Variants in PRKD1 observed in about 807,000 individuals in gnomAD.
The protein encoded by PRKD1 is serine/threonine-protein kinase D1.
Under a neutral mutation model 95.9 loss-of-function variants are expected in PRKD1, and 63 were observed. The observed-to-expected ratio is 0.66, with a 90% confidence interval of 0.54 to 0.81. The LOEUF (loss-of-function observed/expected upper bound fraction) is 0.81, where lower values mean the gene tolerates loss of function less well. Among genes scored for constraint, PRKD1 ranks in the 30% least tolerant of loss-of-function variants. The probability of loss-of-function intolerance (pLI) is 0.00; values close to 1 mark genes in which losing one functional copy is unlikely to be tolerated. For missense variants in PRKD1, 1,048 were observed against 1,165.3 expected (o/e 0.90, Z 1.47); for synonymous variants, 425 against 423.1 (o/e 1.00, Z -0.05).
chr14:29,697,236 C>T (rs28674046), intron 2 of PRKD1, among the ~76,000 whole-genome samples: 76,793 of 151,430 alleles, frequency 0.51, 21,737 homozygotes, highest in African/African-American at 0.77. Context: ...TCCATTCCTA[C>T]TCTGACAATG....
chr14:29,820,547 A>G (rs2139268366), intron 1 of PRKD1, among the ~76,000 whole-genome samples: 1 of 152,314 alleles, frequency 6.6e-6, no homozygotes, highest in South Asian at 2.1e-4. Flanking sequence ...ATTCCAGGTA[A>G]AATCAACTAA....
At chr14:29,821,311 A>G (rs550669333) in intron 1 of PRKD1, among the ~76,000 whole-genome samples, 1 of 152,308 alleles carries the variant, frequency 6.6e-6, no homozygotes, top group African/African-American at 2.4e-5. Flanking sequence ...AAGGAGAATG[A>G]ACAGCAGCCA....
chr14:29,621,183 G>A, intron 13 of PRKD1, among the ~76,000 whole-genome samples: 1 of 145,112 alleles, frequency 6.9e-6, no homozygotes. Context: ...CACACTCTGG[G>A]GACTGTTGTG....
At chr14:29,655,121 C>T (rs922150070) in intron 4 of PRKD1, among the ~76,000 whole-genome samples, 2 of 152,158 alleles carry the variant, frequency 1.3e-5, no homozygotes, top group African/African-American at 4.8e-5. Flanking sequence ...TGTTTCCTGT[C>T]CTTCTTTGGC....
chr14:29,886,037 G>A (rs1177376025), intron 1 of PRKD1, among the ~76,000 whole-genome samples: 1 of 152,022 alleles, frequency 6.6e-6, no homozygotes, highest in Non-Finnish European at 1.5e-5. Flanking sequence ...TAGAATACCT[G>A]AGCTATAAGA....
At chr14:29,597,386 C>A (rs1442692837) in intron 16 of PRKD1, 105 bp downstream of exon 16, 2 of 1,217,726 alleles carry the variant, frequency 1.6e-6, no homozygotes, top group Non-Finnish European at 2.2e-6. Context: ...GGGCACTTTA[C>A]AATGAGCATG....
intron 1 of PRKD1, among the ~76,000 whole-genome samples, chr14:29,838,828 G>A (rs1286194742): frequency 2.0e-5 from 3 of 152,138 alleles, no homozygotes; most frequent in Admixed American, 2.0e-4. Context: ...GATCTAGTTT[G>A]AGGCACTAAG....
chr14:29,705,534 T>A (rs1885042712), intron 2 of PRKD1, among the ~76,000 whole-genome samples: 1 of 152,022 alleles, frequency 6.6e-6, no homozygotes, highest in Admixed American at 6.6e-5. Flanking sequence ...TCAGTGGTTT[T>A]AAAAATATTC....
chr14:29,914,025 T>C (rs576324801), intron 1 of PRKD1, among the ~76,000 whole-genome samples: 1 of 152,334 alleles, frequency 6.6e-6, no homozygotes, highest in South Asian at 2.1e-4. Context: ...TTCTAGTACA[T>C]TAGGGAAAAC....
intron 13 of PRKD1, 110 bp from the exon 14 acceptor site, chr14:29,599,927 CTT>C (rs763490486): frequency 7.1e-5 from 70 of 984,522 alleles, no homozygotes; most frequent in Non-Finnish European, 9.6e-5. Context: ...GAAACCCACA[CTT>C]AAGATTTTTA....
At chr14:29,794,002 G>A (rs1051548629) in intron 1 of PRKD1, among the ~76,000 whole-genome samples, 3 of 151,916 alleles carry the variant, frequency 2.0e-5, no homozygotes, top group Non-Finnish European at 4.4e-5. Flanking sequence ...TAAATCAAGC[G>A]TATTAGCCGT....
At chr14:29,787,101 G>A (rs2139183759) in intron 1 of PRKD1, among the ~76,000 whole-genome samples, 1 of 151,938 alleles carries the variant, frequency 6.6e-6, no homozygotes, top group Non-Finnish European at 1.5e-5. Context: ...GGTCATATAG[G>A]AGAGTGCTAT....
chr14:29,844,330 T>C (rs1410211564), intron 1 of PRKD1, among the ~76,000 whole-genome samples: 3 of 152,144 alleles, frequency 2.0e-5, no homozygotes, highest in African/African-American at 7.2e-5. Context: ...ACTTTTAGCA[T>C]AAGAAATACT....
chr14:29,783,978 T>C (rs1889159309), intron 1 of PRKD1, among the ~76,000 whole-genome samples: 1 of 152,106 alleles, frequency 6.6e-6, no homozygotes, highest in African/African-American at 2.4e-5. Flanking sequence ...TGCCTAAGCT[T>C]TTTAGTTTGT....
chr14:29,717,766 G>A (rs1383994538), intron 2 of PRKD1, among the ~76,000 whole-genome samples: 1 of 152,110 alleles, frequency 6.6e-6, no homozygotes, highest in African/African-American at 2.4e-5. Flanking sequence ...AATGGAAAAT[G>A]TGCATAAAAT....
chr14:29,907,653 A>G (rs1894539475), intron 1 of PRKD1, among the ~76,000 whole-genome samples: 1 of 152,228 alleles, frequency 6.6e-6, no homozygotes, highest in Non-Finnish European at 1.5e-5. Flanking sequence ...AGACAGCTCT[A>G]CAGTACTTAA....
At chr14:29,925,608 C>T (rs1317293631) in intron 1 of PRKD1, among the ~76,000 whole-genome samples, 2 of 152,086 alleles carry the variant, frequency 1.3e-5, no homozygotes, top group Non-Finnish European at 2.9e-5. Flanking sequence ...TTGAACTAGG[C>T]ATCAGTCTCC....
intron 2 of PRKD1, among the ~76,000 whole-genome samples, chr14:29,677,537 G>A (rs1160504605): frequency 1.3e-5 from 2 of 152,108 alleles, no homozygotes; most frequent in Non-Finnish European, 2.9e-5. Context: ...CCTACAGAAT[G>A]TTAAATACTA....
intron 4 of PRKD1, among the ~76,000 whole-genome samples, chr14:29,659,950 C>A (rs538280747): frequency 5.3e-5 from 8 of 152,084 alleles, no homozygotes; most frequent in African/African-American, 1.9e-4. Context: ...TTTAATGATG[C>A]CCAATTTATC....
Sources: gnomAD v4.1 joint callset for allele counts (sites outside exome capture counted in the v4.1 genomes callset) on GRCh38, gnomAD v4.1.1 for gene constraint, MANE v1.5 for transcripts, NCBI Gene and HGNC (gene_info 2026-07-23, HGNC 2026-07-21) for gene names.